CTNND2: variants seen among roughly 807,000 people sequenced by gnomAD.
The protein encoded by CTNND2 is catenin delta 2.
In CTNND2, 22 loss-of-function variants were observed where a neutral mutation model predicts 144.4. The ratio of observed to expected loss-of-function variants is 0.15; its 90% CI spans 0.11 to 0.22. The LOEUF (loss-of-function observed/expected upper bound fraction) is 0.22. Among genes scored for constraint, CTNND2 ranks in the 10% least tolerant of loss-of-function variants. The probability of loss-of-function intolerance (pLI) is 1.00; values close to 1 mark genes in which losing one functional copy is unlikely to be tolerated. For missense variants in CTNND2, 1,353 were observed against 1,618.8 expected (o/e 0.84, Z 2.82); for synonymous variants, 751 against 695.6 (o/e 1.08, Z -1.25).
At chr5:11,416,203 T>C (rs995796511) in intron 3 of CTNND2, among the ~76,000 whole-genome samples, 1 of 152,228 alleles carries the variant, frequency 6.6e-6, no homozygotes, top group Non-Finnish European at 1.5e-5. Context: ...TGTTTAGGAC[T>C]ACACGTCATG....
At chr5:11,763,191 C>T (rs1789378562) in intron 1 of CTNND2, among the ~76,000 whole-genome samples, 2 of 152,128 alleles carry the variant, frequency 1.3e-5, no homozygotes, top group Admixed American at 6.5e-5. Flanking sequence ...GAGGCCTCTC[C>T]AGCCATGATT....
chr5:11,086,439 T>A (rs893407398), intron 15 of CTNND2, among the ~76,000 whole-genome samples: 6 of 152,162 alleles, frequency 3.9e-5, no homozygotes, highest in African/African-American at 1.2e-4. Context: ...CAGGAGAGGA[T>A]GAAGGTGAGG....
At chr5:11,691,865 TA>T (rs1784924064) in intron 2 of CTNND2, among the ~76,000 whole-genome samples, 1 of 152,236 alleles carries the variant, frequency 6.6e-6, no homozygotes, top group South Asian at 2.1e-4. Context: ...CACTTCAGTC[TA>T]AGGCAAAGTG....
chr5:11,134,442 T>C (rs1158928967), intron 12 of CTNND2, among the ~76,000 whole-genome samples: 2 of 152,190 alleles, frequency 1.3e-5, no homozygotes, highest in East Asian at 3.9e-4. Flanking sequence ...AGTGCAGGAC[T>C]CTGCAGTAAT....
chr5:11,708,588 T>C (rs1785847930), intron 2 of CTNND2, among the ~76,000 whole-genome samples: 1 of 152,138 alleles, frequency 6.6e-6, no homozygotes, highest in Non-Finnish European at 1.5e-5. Context: ...TTATTTTTCT[T>C]GCTTGGCGAG....
chr5:11,004,942 A>G (rs1264659524), intron 18 of CTNND2, among the ~76,000 whole-genome samples: 1 of 152,180 alleles, frequency 6.6e-6, no homozygotes, highest in Non-Finnish European at 1.5e-5. Flanking sequence ...GAAAAGAGAG[A>G]CTGGCATGGT....
At chr5:11,447,274 G>A (rs1033403965) in intron 3 of CTNND2, among the ~76,000 whole-genome samples, 3 of 151,698 alleles carry the variant, frequency 2.0e-5, no homozygotes, top group African/African-American at 2.4e-5. Flanking sequence ...CCCGGGAGGC[G>A]GAGGTTGCAA....
At chr5:11,418,427 C>CA (rs1017996503) in intron 3 of CTNND2, among the ~76,000 whole-genome samples, 3 of 151,604 alleles carry the variant, frequency 2.0e-5, no homozygotes, top group East Asian at 1.9e-4. Flanking sequence ...CAAAACAAAA[C>CA]AAAAAAACAA....
At chr5:11,262,432 T>C (rs918429576) in intron 9 of CTNND2, among the ~76,000 whole-genome samples, 1 of 152,128 alleles carries the variant, frequency 6.6e-6, no homozygotes, top group Non-Finnish European at 1.5e-5. Context: ...GTTGCCCAGT[T>C]CATGAATCAT....
At chr5:11,849,169 C>G (rs1023401119) in intron 1 of CTNND2, among the ~76,000 whole-genome samples, 7 of 152,138 alleles carry the variant, frequency 4.6e-5, no homozygotes, top group Admixed American at 3.9e-4. Flanking sequence ...CATCTTACAA[C>G]GCAGCAGGCA....
chr5:11,632,276 G>C (rs1249955536), intron 2 of CTNND2, among the ~76,000 whole-genome samples: 1 of 152,114 alleles, frequency 6.6e-6, no homozygotes, highest in East Asian at 1.9e-4. Flanking sequence ...TTCATAGGGG[G>C]ATGAAAAATA....
At chr5:11,186,030 G>A (rs1214967297) in intron 11 of CTNND2, among the ~76,000 whole-genome samples, 5 of 152,112 alleles carry the variant, frequency 3.3e-5, no homozygotes, top group South Asian at 2.1e-4. Flanking sequence ...TTTCAATCTC[G>A]GCAAATACAA....
At chr5:10,986,828 G>A (rs972787924) in intron 20 of CTNND2, 1 of 348,756 alleles carries the variant, frequency 2.9e-6, no homozygotes, top group Non-Finnish European at 5.6e-6. Context: ...TGCCGCTGGG[G>A]TAAATGCATT....
At chr5:11,767,255 C>T (rs1286027003) in intron 1 of CTNND2, among the ~76,000 whole-genome samples, 2 of 152,188 alleles carry the variant, frequency 1.3e-5, no homozygotes, top group Non-Finnish European at 2.9e-5. Flanking sequence ...TAGCTCCAAT[C>T]CCATCAGTGC....
intron 14 of CTNND2, among the ~76,000 whole-genome samples, chr5:11,101,017 T>A (rs754117398): frequency 5.3e-5 from 8 of 152,206 alleles, no homozygotes; most frequent in African/African-American, 1.9e-4. Flanking sequence ...CCTTTCTTAA[T>A]GGCTACAGAG....
chr5:11,362,689 T>C (rs983243734), intron 8 of CTNND2, among the ~76,000 whole-genome samples: 1 of 152,134 alleles, frequency 6.6e-6, no homozygotes, highest in Non-Finnish European at 1.5e-5. Flanking sequence ...GCCACATTTA[T>C]TACCAGGAAA....
chr5:11,463,677 G>A (rs1199855670), intron 3 of CTNND2, among the ~76,000 whole-genome samples: 1 of 148,374 alleles, frequency 6.7e-6, no homozygotes, highest in Admixed American at 6.7e-5. Context: ...CACATGGGGT[G>A]CTTCATTAAA....
At chr5:11,178,969 T>C (rs898962878) in intron 11 of CTNND2, among the ~76,000 whole-genome samples, 3 of 152,200 alleles carry the variant, frequency 2.0e-5, no homozygotes, top group African/African-American at 7.2e-5. Context: ...GAGATGACAG[T>C]GCATATATTT....
At chr5:11,660,301 T>C (rs546622940) in intron 2 of CTNND2, among the ~76,000 whole-genome samples, 1 of 152,248 alleles carries the variant, frequency 6.6e-6, no homozygotes, top group South Asian at 2.1e-4. Flanking sequence ...TTGATGAGTA[T>C]GGTACGAGAA....
Sources: gnomAD v4.1 joint callset for allele counts (sites outside exome capture counted in the v4.1 genomes callset) on GRCh38, gnomAD v4.1.1 for gene constraint, MANE v1.5 for transcripts, NCBI Gene and HGNC (gene_info 2026-07-23, HGNC 2026-07-21) for gene names.